The following KCNU1 variants were observed in gnomAD, a reference collection of about 807,000 sequenced individuals.
KCNU1 encodes the protein potassium channel subfamily U member 1.
Under a neutral mutation model 126.8 loss-of-function variants are expected in KCNU1, and 93 were observed. The ratio of observed to expected loss-of-function variants is 0.73; its 90% CI spans 0.62 to 0.87. The LOEUF (loss-of-function observed/expected upper bound fraction) is 0.87. Ranked by LOEUF, KCNU1 falls within the 40% of genes least tolerant of loss-of-function variation. The pLI is 0.00. For synonymous variants in KCNU1, 523 were observed against 494.2 expected (o/e 1.06, Z -0.77); for missense variants, 1,330 against 1,367.1 (o/e 0.97, Z 0.43).
Position 36,827,457 on chromosome 8 carries a change from A to G in KCNU1, c.1107-6097A>G, listed in dbSNP as rs78969693. Among the ~76,000 whole-genome samples, 653 of 152,284 alleles carry G rather than the reference A, an allele frequency of 4.3e-3. 7 individuals are homozygous for G. The highest frequency in any genetic ancestry group is 0.015 in the African/African-American group (615 of 41,560). On this transcript the variant is annotated intron_variant, in intron 10 of 26. Transcript: ENST00000399881. ...TTGGTAGCTGCTTCTTCTGAATTGT[A>G]AAATGCGTTCAGGGGAAGAAAATTG...
intron 2 of KCNU1, among the ~76,000 whole-genome samples, chr8:36,791,911 A>G (rs1450512848): frequency 6.6e-6 from 1 of 152,058 alleles, no homozygotes; most frequent in Non-Finnish European, 1.5e-5. Context: ...CATATTTTAT[A>G]TTGAATATAC....
intron 24 of KCNU1, chr8:36,922,940 C>G: frequency 2.0e-6 from 1 of 507,542 alleles, no homozygotes; most frequent in South Asian, 1.5e-5. Flanking sequence ...CATCAGAGCT[C>G]AGGAGATACC....
intron 10 of KCNU1, among the ~76,000 whole-genome samples, chr8:36,831,941 T>C (rs571430512): frequency 6.6e-6 from 1 of 152,306 alleles, no homozygotes; most frequent in South Asian, 2.1e-4. Context: ...TTTTGTATAA[T>C]GTGTGAGGAA....
At chr8:36,802,719 C>G (rs1163398907) in intron 2 of KCNU1, among the ~76,000 whole-genome samples, 1 of 152,176 alleles carries the variant, frequency 6.6e-6, no homozygotes, top group African/African-American at 2.4e-5. Context: ...CTTTCCTCTT[C>G]CCCTTCCCCT....
rs141177561 is a variant in KCNU1, at chr8:36,935,318, A to C, written c.3045-197A>C. Among the ~76,000 whole-genome samples the C allele has an allele frequency of 1.6e-3, 248 of 152,254 alleles. 1 individual carries two copies. Among genetic ancestry groups the C allele is most frequent in the African/African-American group, 5.5e-3 (227 of 41,566 alleles). Reference sequence around the variant, plus strand: ...GCCAGCCCCCTCATTCCTACTCTAGAACCTCTCCTCTTGCACTGTGCTACA... The same window carrying C: ...GCCAGCCCCCTCATTCCTACTCTAGCACCTCTCCTCTTGCACTGTGCTACA... On this transcript the variant is annotated intron_variant, in intron 26 of 26. Coordinates refer to ENST00000399881, the MANE Select transcript of KCNU1 (RefSeq NM_001031836.3).
At chr8:36,886,316 T>A (rs774255200) in intron 19 of KCNU1, among the ~76,000 whole-genome samples, 1 of 152,144 alleles carries the variant, frequency 6.6e-6, no homozygotes, top group Non-Finnish European at 1.5e-5. Flanking sequence ...ATATAACATA[T>A]CCTATTGTAA....
intron 19 of KCNU1, among the ~76,000 whole-genome samples, chr8:36,889,857 A>T (rs1177073856): frequency 1.3e-5 from 2 of 152,064 alleles, no homozygotes; most frequent in Non-Finnish European, 2.9e-5. Context: ...AGAAAATTGC[A>T]AAAGAACCCA....
chr8:36,850,552 G>A (rs2117286524), intron 18 of KCNU1, among the ~76,000 whole-genome samples: 1 of 151,994 alleles, frequency 6.6e-6, no homozygotes, highest in Non-Finnish European at 1.5e-5. Context: ...GACCTCCTGG[G>A]TTCAGGAGAT....
intron 24 of KCNU1, among the ~76,000 whole-genome samples, chr8:36,923,707 C>A (rs1808443078): frequency 6.6e-6 from 1 of 152,182 alleles, no homozygotes; most frequent in African/African-American, 2.4e-5. Flanking sequence ...TTGGGTCATC[C>A]TTACTGCTGG....
chr8:36,860,668 A>C (rs1359857542), intron 18 of KCNU1, among the ~76,000 whole-genome samples: 1 of 152,178 alleles, frequency 6.6e-6, no homozygotes, highest in Non-Finnish European at 1.5e-5. Flanking sequence ...GCCCTTAGGA[A>C]AGTTGTGCCC....
intron 19 of KCNU1, among the ~76,000 whole-genome samples, chr8:36,895,452 A>G (rs1169765291): frequency 6.6e-6 from 1 of 152,076 alleles, no homozygotes; most frequent in Non-Finnish European, 1.5e-5. Context: ...GTCAACCACT[A>G]TTTCCGAACA....
chr8:36,935,610 A>G lies in KCNU1; in HGVS notation c.3140A>G (p.Asn1047Ser). The G allele has an allele frequency of 6.2e-7, 1 of 1,613,330 alleles. No individual in the cohort carries two copies. The highest frequency in any genetic ancestry group is 8.5e-7 in the Non-Finnish European group (1 of 1,179,436). Residue 1047 changes from asparagine to serine, a missense_variant, in exon 27 of 27, where the codon AAT (asparagine) becomes AGT (serine). Asn to Ser is a conservative substitution (Grantham distance 46, BLOSUM62 1). Transcript: ENST00000399881. ...IPFSTACYKRNEEFSLQKSYE... is the reference protein window; with the variant it reads ...IPFSTACYKRSEEFSLQKSYE... ...TTCAGCACTGCTTGTTATAAAAGGA[A>G]TGAAGAGTTCTCATTGCAAAAGTCA...
chr8:36,840,675 A>G, intron 15 of KCNU1, 100 bp downstream of exon 15: 4 of 761,666 alleles, frequency 5.3e-6, no homozygotes, highest in Non-Finnish European at 8.9e-6. Context: ...TTACAAACTG[A>G]AGATCTAAGA....
intron 22 of KCNU1, among the ~76,000 whole-genome samples, chr8:36,914,113 G>A (rs1808000952): frequency 6.6e-6 from 1 of 152,104 alleles, no homozygotes; most frequent in Non-Finnish European, 1.5e-5. Context: ...AGCATTAAGA[G>A]GTAGAACCAG....
rs183086477 is a variant in KCNU1 at position 36,816,440 on chromosome 8, G to A, written c.995+753G>A. On this transcript the variant is annotated intron_variant, in intron 9 of 26. Transcript: ENST00000399881. Reference sequence around the variant, plus strand: ...AATGAAAGAGGCATAATGGAGATAGGCTCCCTGAAAGCAGTCTCTTAATAC... The same window carrying A: ...AATGAAAGAGGCATAATGGAGATAGACTCCCTGAAAGCAGTCTCTTAATAC... Among the ~76,000 whole-genome samples the A allele has an allele frequency of 2.7e-3, 418 of 152,230 alleles. 3 individuals carry two copies. Among genetic ancestry groups the A allele is most frequent in the Middle Eastern group, 0.01 (3 of 294 alleles).
intron 24 of KCNU1, chr8:36,922,976 C>T (rs768914409): frequency 2.1e-6 from 1 of 475,310 alleles, no homozygotes; most frequent in South Asian, 1.5e-5. Flanking sequence ...TGAAATCCTC[C>T]AAACAGCTCA....
chr8:36,797,393 C>G (rs1001196447), intron 2 of KCNU1, among the ~76,000 whole-genome samples: 2 of 151,890 alleles, frequency 1.3e-5, no homozygotes, highest in Non-Finnish European at 2.9e-5. Context: ...TTATGTAAAT[C>G]AAATACAGAA....
At position 36,917,454 on chromosome 8, in the gene KCNU1, G is replaced by A. The variant is rs547145380; in HGVS notation, c.2522-1369G>A. ...AAGCTCTGAACTCCTGGGCTCAAGCGACCCTCTCACCTCAGCCTCCTAGGT... is the reference window on the plus strand; with the variant it reads ...AAGCTCTGAACTCCTGGGCTCAAGCAACCCTCTCACCTCAGCCTCCTAGGT... On this transcript the variant is annotated intron_variant, in intron 22 of 26. Transcript: ENST00000399881. Among the ~76,000 whole-genome samples the A allele has an allele frequency of 2.0e-4, 30 of 150,696 alleles. No individual in the cohort carries two copies. The South Asian group carries it at 5.3e-3, about 27-fold the overall frequency.
At chr8:36,869,914 C>T (rs1806040908) in intron 19 of KCNU1, among the ~76,000 whole-genome samples, 1 of 152,146 alleles carries the variant, frequency 6.6e-6, no homozygotes, top group African/African-American at 2.4e-5. Flanking sequence ...CAAGACCTCG[C>T]AAGATTTAAT....
Sources: gnomAD v4.1 joint callset for allele counts (sites outside exome capture counted in the v4.1 genomes callset) on GRCh38, gnomAD v4.1.1 for gene constraint, MANE v1.5 for transcripts, NCBI Gene and HGNC (gene_info 2026-07-23, HGNC 2026-07-21) for gene names.